EPB41L1: variants seen among roughly 807,000 people sequenced by gnomAD.
EPB41L1 encodes erythrocyte membrane protein band 4.1 like 1.
EPB41L1 carries 29 observed loss-of-function variants against 97.8 expected under a neutral mutation model. The ratio of observed to expected loss-of-function variants is 0.30; its 90% CI spans 0.22 to 0.40. EPB41L1 has a LOEUF of 0.40. Among genes scored for constraint, EPB41L1 ranks in the 10% least tolerant of loss-of-function variants. The pLI is 1.00. For synonymous variants in EPB41L1, 383 were observed against 459.2 expected, an observed-to-expected ratio of 0.83 and a Z score of 2.12; for missense variants, 812 against 1,162.3, an observed-to-expected ratio of 0.70 and a Z score of 4.38.
At chr20:36,172,276 A>G (rs1057266084) in intron 1 of EPB41L1, among the ~76,000 whole-genome samples, 3 of 152,068 alleles carry the variant, frequency 2.0e-5, no homozygotes, top group Non-Finnish European at 2.9e-5. Context: ...ACGGGGTTTC[A>G]CCATGTTGGC....
At chr20:36,205,964 T>C (rs1463682657) in intron 14 of EPB41L1, 2 of 1,289,902 alleles carry the variant, frequency 1.6e-6, no homozygotes. Context: ...GCTGGTATCC[T>C]TGCCAACGGC....
chr20:36,091,922 C>A (rs2057674985), intron 1 of EPB41L1: 1 of 152,166 alleles, frequency 6.6e-6, no homozygotes, highest in Admixed American at 6.5e-5. Context: ...CCAAGAAGGA[C>A]CTAAAGGAGC....
At chr20:36,099,206 G>A (rs1163043571) in intron 1 of EPB41L1, among the ~76,000 whole-genome samples, 4 of 152,098 alleles carry the variant, frequency 2.6e-5, no homozygotes, top group Non-Finnish European at 4.4e-5. Context: ...AAATGGGACA[G>A]TAGCACCTAC....
At chr20:36,173,693 GT>G in intron 1 of EPB41L1, 70 bp from the exon 2 acceptor site, 1 of 1,415,500 alleles carries the variant, frequency 7.1e-7, no homozygotes. Context: ...TCCGCGTGTG[GT>G]TCCTGCCCCT....
chr20:36,221,784 G>T lies in EPB41L1; in HGVS notation c.2440-80G>T. The T allele has an allele frequency of 2.5e-6, 3 of 1,204,492 alleles. No individual in the cohort carries two copies. The South Asian group carries it at 3.6e-5, about 15-fold the overall frequency. 74.6% of individuals were successfully genotyped at this position (1,204,492 alleles called of 1,614,324 possible). On this transcript the variant is annotated intron_variant, in intron 19 of 21. Transcript: ENST00000338074. The stretch of plus-strand genomic sequence containing the variant: ...CTGGTTCTCAGCCCTGCCCTCGAGA[G>T]ATGATTTGGGTAGGTCCCCTCTTGA...
rs2147428331 is a variant in EPB41L1 at position 36,092,802 on chromosome 20, C to A, written c.-65+1190C>A. ...GCCAGACAGCTCCCGGAAGCCGCGCCGCCGCCGCCAGGTTAGCCGCACCCG... is the reference window on the plus strand; with the variant it reads ...GCCAGACAGCTCCCGGAAGCCGCGCAGCCGCCGCCAGGTTAGCCGCACCCG... On this transcript the variant is annotated intron_variant, in intron 1 of 19. Coordinates refer to the EPB41L1 transcript ENST00000202028. This position sits in a 1 kb window ranked among gnomAD's most constrained non-coding sequence, Gnocchi z 7.0. 1.3e-5 allele frequency: 2 copies of A among 152,982 alleles called. No individual in the cohort carries two copies. The highest frequency in any genetic ancestry group is 1.9e-4 in the East Asian group (1 of 5,180). The allele number at this position is 152,982 out of a possible 1,614,324, so 9.5% of individuals were successfully genotyped here. A position where few individuals can be genotyped will look rare whatever the true frequency, so the allele number is the denominator to read the frequency against.
At chr20:36,211,255 C>T (rs2146834835) in intron 15 of EPB41L1, among the ~76,000 whole-genome samples, 1 of 152,082 alleles carries the variant, frequency 6.6e-6, no homozygotes, top group African/African-American at 2.4e-5. Context: ...GGCGTGGTGG[C>T]ACCCACCTGT....
At chr20:36,155,755 A>C (rs1355874702) in intron 1 of EPB41L1, 1 of 420,334 alleles carries the variant, frequency 2.4e-6, no homozygotes, top group Non-Finnish European at 4.8e-6. Flanking sequence ...CTGAGGATGC[A>C]TTGGTGGGGG....
chr20:36,202,768 G>A (rs1444868361), intron 14 of EPB41L1, among the ~76,000 whole-genome samples: 3 of 144,760 alleles, frequency 2.1e-5, no homozygotes, highest in African/African-American at 5.2e-5. Flanking sequence ...GCAAGATCAC[G>A]CCTCTGCACT....
intron 2 of EPB41L1, among the ~76,000 whole-genome samples, chr20:36,136,369 AG>A (rs1214129756): frequency 7.0e-6 from 1 of 142,590 alleles, no homozygotes; most frequent in Non-Finnish European, 1.5e-5. Flanking sequence ...TTGGAGAAAC[AG>A]GGTTTCACCG....
At chr20:36,204,249 C>T (rs2062665164) in intron 14 of EPB41L1, among the ~76,000 whole-genome samples, 2 of 152,160 alleles carry the variant, frequency 1.3e-5, no homozygotes, top group Admixed American at 1.3e-4. Flanking sequence ...AGGCCGCCCA[C>T]ACCCCCAACT....
intron 6 of EPB41L1, among the ~76,000 whole-genome samples, chr20:36,182,963 C>T (rs2061529775): frequency 6.6e-6 from 1 of 152,172 alleles, no homozygotes; most frequent in South Asian, 2.1e-4. Context: ...CAGAGAAAAG[C>T]CTGGGCTGTT....
chr20:36,110,487 T>A (rs1233283253), intron 1 of EPB41L1, among the ~76,000 whole-genome samples: 1 of 152,092 alleles, frequency 6.6e-6, no homozygotes. Flanking sequence ...GAGGCTTTTG[T>A]TTCATCAGCT....
At chr20:36,104,787 G>C (rs1334518754) in intron 1 of EPB41L1, among the ~76,000 whole-genome samples, 1 of 152,194 alleles carries the variant, frequency 6.6e-6, no homozygotes, top group Non-Finnish European at 1.5e-5. Context: ...CTCATGCCAC[G>C]CTATGCAGGT....
At position 36,195,224 on chromosome 20, in the gene EPB41L1, G is replaced by C. The variant is rs2062137212; in HGVS notation, c.1450-105G>C. 2.8e-6 allele frequency: 4 copies of C among 1,404,568 alleles called. No homozygotes were observed. The highest frequency in any genetic ancestry group is 4.0e-6 in the Non-Finnish European group (4 of 998,010). 87.0% of individuals were successfully genotyped at this position (1,404,568 alleles called of 1,614,324 possible). ...TGCCCTGGCCTCCACTTGGTCGAGT[G>C]TGCGTGCTCTGGGCTCCTTGCTGGA... On this transcript the variant is annotated intron_variant, in intron 12 of 21. Transcript: ENST00000338074. This position sits in a 1 kb window ranked among gnomAD's most constrained non-coding sequence, Gnocchi z 4.6.
intron 2 of EPB41L1, chr20:36,125,369 G>T: frequency 1.4e-6 from 1 of 700,042 alleles, no homozygotes; most frequent in South Asian, 1.5e-5. Context: ...TCAACCGTGT[G>T]ACTTCTGCTA....
chr20:36,182,388 G>A (rs754598106), intron 6 of EPB41L1, 41 bp downstream of exon 6: 3 of 1,606,944 alleles, frequency 1.9e-6, no homozygotes, highest in Non-Finnish European at 2.6e-6. Context: ...CTGGCTGTGT[G>A]GGACTATGGA....
intron 21 of EPB41L1, among the ~76,000 whole-genome samples, chr20:36,227,432 T>G (rs1244634977): frequency 6.6e-6 from 1 of 152,216 alleles, no homozygotes; most frequent in Non-Finnish European, 1.5e-5. Context: ...GACCTCAGTT[T>G]CCTCATCTGC....
rs1760449271 is a variant in EPB41L1 at position 36,229,483 on chromosome 20, A to C, written c.*143A>C. On this transcript the variant is annotated 3_prime_UTR_variant, in exon 22 of 22. Transcript: ENST00000338074. ...ACTGATGAGAGACTGGGAAGGGAAA[A>C]GCATATATATATAGATATATAGAGA... is the stretch of plus-strand genomic sequence containing the variant. The C allele has an allele frequency of 5.2e-6, 4 of 774,766 alleles. No homozygotes were observed. The highest frequency in any genetic ancestry group is 9.2e-6 in the Non-Finnish European group (4 of 435,876). 48.0% of individuals were successfully genotyped at this position (774,766 alleles called of 1,614,324 possible). A position where few individuals can be genotyped will look rare whatever the true frequency, so the allele number is the denominator to read the frequency against.
Sources: allele counts gnomAD v4.1 joint callset (sites outside exome capture counted in the v4.1 genomes callset), GRCh38; gene constraint gnomAD v4.1.1; non-coding constraint Gnocchi (gnomAD v3.1); transcripts MANE v1.5; gene names NCBI Gene and HGNC (gene_info 2026-07-23, HGNC 2026-07-21).